SNED1: variants seen among roughly 807,000 people sequenced by gnomAD.
SNED1 encodes sushi, nidogen and EGF like domains 1, also known as sushi, nidogen and EGF-like domain-containing protein 1.
A neutral mutation model predicts 166.7 loss-of-function variants in SNED1; 81 were observed. The ratio of observed to expected loss-of-function variants is 0.49; its 90% CI spans 0.41 to 0.58. The LOEUF is 0.58. SNED1 is among the 20% of genes least tolerant of loss of function. The pLI, the probability that SNED1 is intolerant of heterozygous loss-of-function variation, is 0.00. For synonymous variants in SNED1, 762 were observed against 822.0 expected (o/e 0.93, Z 1.25); for missense variants, 1,604 against 2,000.2 (o/e 0.80, Z 3.78).
At chr2:241,011,840 C>T (rs1009727999) in intron 1 of SNED1, among the ~76,000 whole-genome samples, 16 of 152,344 alleles carry the variant, frequency 1.1e-4, no homozygotes, top group Admixed American at 4.6e-4. Context: ...GGAAGTCCCG[C>T]GGGCCTCTGC....
Position 241,051,747 on chromosome 2 carries a change from G to A in SNED1, c.1739G>A (p.Arg580Gln), listed in dbSNP as rs1026206217. 15 of 1,503,106 alleles carry A rather than the reference G, an allele frequency of 1.0e-5. No individual in the cohort carries two copies. Among genetic ancestry groups the A allele is most frequent in the African/African-American group, 8.4e-5 (6 of 71,662 alleles). 93.1% of individuals were successfully genotyped at this position (1,503,106 alleles called of 1,614,324 possible). The change falls in exon 13 of 32, where the codon CGG (arginine) becomes CAG (glutamine). Residue 580 changes from arginine (R) to glutamine (Q), a missense_variant. This residue lies in a region of SNED1 where 1,237 missense variants were observed against 1,620.8 expected (regional missense o/e 0.76). Transcript: ENST00000310397. This position sits in a 1 kb window ranked among gnomAD's most constrained non-coding sequence, Gnocchi z 4.7. ...GCCTCTCTGTCCTTCCACACAGCCC[G>A]GCCACACCTGTGCAGCTCAGGGCCC... Reference protein sequence around the residue: ...GFHGKHCEKARPHLCSSGPCR... With the variant: ...GFHGKHCEKAQPHLCSSGPCR...
Position 241,088,009 on chromosome 2 carries a change from C to T in SNED1, c.4206-356C>T, listed in dbSNP as rs780147895. The T allele has an allele frequency of 5.2e-5, 20 of 387,972 alleles. 1 individual carries two copies. Among genetic ancestry groups the T allele is most frequent in the East Asian group, 3.0e-4 (7 of 23,404 alleles). The allele number at this position is 387,972 out of a possible 1,614,324, so 24.0% of individuals were successfully genotyped here. Reference sequence around the variant, plus strand: ...TACTTGTTTGGCATTACCAAGTGTCCGGGCAAGGCCGCAGCCTGCAGCTCA... The same window carrying T: ...TACTTGTTTGGCATTACCAAGTGTCTGGGCAAGGCCGCAGCCTGCAGCTCA... On this transcript the variant is annotated intron_variant, in intron 30 of 31. Transcript: ENST00000310397.
rs1444276325 is a variant in SNED1, at chr2:241,048,360, A to G, written c.1319A>G (p.Asn440Ser). ...GCCTGCCTCTCGGCCCCTTGCCACAATGGGGGCACCTGTGTGGATGCGGAC... is the reference window on the plus strand; with the variant it reads ...GCCTGCCTCTCGGCCCCTTGCCACAGTGGGGGCACCTGTGTGGATGCGGAC... The part of the protein sequence containing the change: ...PDACLSAPCH[N>S]GGTCVDADQG... Residue 440 changes from asparagine to serine, a missense_variant, in exon 9 of 32, where the codon AAT (asparagine) becomes AGT (serine). Coordinates refer to ENST00000310397, the MANE Select transcript of SNED1 (RefSeq NM_001080437.3). The G allele has an allele frequency of 1.2e-6, 2 of 1,611,624 alleles. No homozygotes were observed. Among genetic ancestry groups the G allele is most frequent in the African/African-American group, 1.3e-5 (1 of 74,868 alleles).
intron 27 of SNED1, among the ~76,000 whole-genome samples, chr2:241,078,898 G>C (rs1463335109): frequency 2.5e-4 from 38 of 151,178 alleles, no homozygotes; most frequent in African/African-American, 9.0e-4. Context: ...TGGATCACTT[G>C]AGGTCAGGAG....
Position 241,051,954 on chromosome 2 carries a change from C to T in SNED1, c.1853-87C>T. ...ACCCTCCCTGCCAGCTGTGGGTCTGCTTCTCATGAAGAGGCCCCAGCTCTG... is the reference window on the plus strand; with the variant it reads ...ACCCTCCCTGCCAGCTGTGGGTCTGTTTCTCATGAAGAGGCCCCAGCTCTG... On this transcript the variant is annotated intron_variant, in intron 13 of 31. Transcript: ENST00000310397. This position sits in a 1 kb window ranked among gnomAD's most constrained non-coding sequence, Gnocchi z 4.7. 1.3e-6 allele frequency: 2 copies of T among 1,484,890 alleles called. No homozygotes were observed. The highest frequency in any genetic ancestry group is 3.8e-5 in the Admixed American group (2 of 51,996). 92.0% of individuals were successfully genotyped at this position (1,484,890 alleles called of 1,614,324 possible).
At chr2:241,050,328 G>A (rs1217988510) in intron 12 of SNED1, among the ~76,000 whole-genome samples, 2 of 152,192 alleles carry the variant, frequency 1.3e-5, no homozygotes, top group Non-Finnish European at 2.9e-5. Context: ...GTGTCCTTCT[G>A]TAAGCACACT....
At chr2:241,084,122 G>T (rs1466455965) in intron 29 of SNED1, among the ~76,000 whole-genome samples, 1 of 148,356 alleles carries the variant, frequency 6.7e-6, no homozygotes, top group African/African-American at 2.5e-5. Flanking sequence ...CAATATGATG[G>T]CAGCGTCTAG....
intron 1 of SNED1, among the ~76,000 whole-genome samples, chr2:241,026,641 G>A (rs186270997): frequency 1.9e-4 from 29 of 151,968 alleles, no homozygotes; most frequent in East Asian, 9.7e-4. Context: ...TACTTATATC[G>A]TATTCATTTG....
rs13418643 is a variant in SNED1 at position 241,040,888 on chromosome 2, G to A, written c.1273+475G>A. The stretch of plus-strand genomic sequence containing the variant: ...ATTTTGTGTTGTTTAACTGCTAGTT[G>A]TGACTTGTTAGAGGAATTAAAAGGC... On this transcript the variant is annotated intron_variant, in intron 8 of 31. Coordinates refer to ENST00000310397, the MANE Select transcript of SNED1 (RefSeq NM_001080437.3). 2,298 of 466,022 alleles carry A rather than the reference G, an allele frequency of 4.9e-3. 45 individuals carry two copies. The highest frequency in any genetic ancestry group is 0.043 in the African/African-American group (2,130 of 49,726). 28.9% of individuals were successfully genotyped at this position (466,022 alleles called of 1,614,324 possible).
chr2:241,052,523 T>G, intron 15 of SNED1, 55 bp downstream of exon 15: 1 of 1,354,178 alleles, frequency 7.4e-7, no homozygotes, highest in Non-Finnish European at 1.0e-6. Context: ...GCCAGGCAGG[T>G]GAGATGGCCA....
intron 1 of SNED1, among the ~76,000 whole-genome samples, chr2:241,009,657 G>GC (rs1309086564): frequency 1.3e-5 from 2 of 152,130 alleles, no homozygotes; most frequent in Non-Finnish European, 2.9e-5. Context: ...TCTCCTGGGA[G>GC]CCCCTCCCTT....
chr2:241,017,543 G>A lies in SNED1; in HGVS notation c.214-12741G>A, dbSNP rs73010025. ...CCAGGCAAAGAGTGGACAGGGCCTT[G>A]TATTCTCTTGTAGTTGGCAAAAAAG... is the stretch of plus-strand genomic sequence containing the variant. On this transcript the variant is annotated intron_variant, in intron 1 of 31. Transcript: ENST00000310397. Among the ~76,000 whole-genome samples the A allele has an allele frequency of 4.9e-3, 752 of 152,366 alleles. 3 individuals are homozygous for A. The highest frequency in any genetic ancestry group is 8.6e-3 in the Non-Finnish European group (583 of 68,040).
chr2:240,998,005 C>T (rs2059965919), upstream of SNED1, among the ~76,000 whole-genome samples: 1 of 152,238 alleles, frequency 6.6e-6, no homozygotes, highest in African/African-American at 2.4e-5. Flanking sequence ...CGCACTTGCC[C>T]CCAGGGCCTG....
upstream of SNED1, among the ~76,000 whole-genome samples, chr2:240,998,616 C>G (rs1366108634): frequency 6.6e-6 from 1 of 151,844 alleles, no homozygotes; most frequent in Non-Finnish European, 1.5e-5. Context: ...AGGGGCGGGG[C>G]TGGCCCCGAA....
Position 241,064,701 on chromosome 2 carries a change from C to G in SNED1, c.2600-143C>G, listed in dbSNP as rs567320251. On this transcript the variant is annotated intron_variant, in intron 19 of 31. Coordinates refer to ENST00000310397, the MANE Select transcript of SNED1 (RefSeq NM_001080437.3). This position sits in a 1 kb window ranked among gnomAD's most constrained non-coding sequence, Gnocchi z 7.0. ...CGCAGGGCAGTGGAGGTGGCAGAAC[C>G]GAAGGGAGGCAGTAGCTGTCCTGTG... is the stretch of plus-strand genomic sequence containing the variant. 1.7e-6 allele frequency: 1 copy of G among 601,038 alleles called. No homozygotes were observed. Among genetic ancestry groups the G allele is most frequent in the African/African-American group, 1.9e-5 (1 of 51,328 alleles). 37.2% of individuals were successfully genotyped at this position (601,038 alleles called of 1,614,324 possible).
intron 1 of SNED1, chr2:241,015,936 T>C (rs2060569991): frequency 6.6e-6 from 1 of 152,260 alleles, no homozygotes; most frequent in Admixed American, 6.5e-5. Context: ...TTCCCAGCGT[T>C]TTTAATCACA....
chr2:241,058,766 C>T (rs559139746), intron 16 of SNED1, among the ~76,000 whole-genome samples: 50 of 152,126 alleles, frequency 3.3e-4, no homozygotes, highest in Non-Finnish European at 5.0e-4. Context: ...CTGGCTAACA[C>T]GGTGAAACCC....
At chr2:241,037,657 C>T (rs2061414602) in intron 6 of SNED1, among the ~76,000 whole-genome samples, 2 of 152,228 alleles carry the variant, frequency 1.3e-5, no homozygotes, top group African/African-American at 4.8e-5. Context: ...CAGGGTCAGA[C>T]AGGCACCAGA....
chr2:241,012,884 G>A (rs1457295310), intron 1 of SNED1, among the ~76,000 whole-genome samples: 3 of 148,728 alleles, frequency 2.0e-5, no homozygotes, highest in Admixed American at 1.4e-4. Flanking sequence ...CGCCCAGGCT[G>A]GAGTGCAGTG....
Sources: gnomAD v4.1 joint callset for allele counts (sites outside exome capture counted in the v4.1 genomes callset) on GRCh38, gnomAD v4.1.1 for gene constraint, gnomAD v4.1.1 regional missense constraint, Gnocchi (gnomAD v3.1) non-coding constraint, MANE v1.5 for transcripts, NCBI Gene and HGNC (gene_info 2026-07-23, HGNC 2026-07-21) for gene names.